Variants in AGBL1 observed in about 807,000 individuals in gnomAD.
AGBL1 encodes the protein cytosolic carboxypeptidase 4.
Under a neutral mutation model 118.9 loss-of-function variants are expected in AGBL1, and 130 were observed. The ratio of observed to expected loss-of-function variants is 1.09; its 90% CI spans 0.95 to 1.26. The LOEUF is 1.26. AGBL1 is among the 50% of genes most tolerant of loss of function. The probability of loss-of-function intolerance (pLI) is 0.00; values close to 1 mark genes in which losing one functional copy is unlikely to be tolerated. For missense variants in AGBL1, 1,584 were observed against 1,298.1 expected (o/e 1.22, Z -3.38); for synonymous variants, 555 against 478.9 (o/e 1.16, Z -2.08).
At chr15:86,220,013 A>G (rs1366542487) in intron 5 of AGBL1, among the ~76,000 whole-genome samples, 3 of 131,272 alleles carry the variant, frequency 2.3e-5, no homozygotes, top group Non-Finnish European at 4.6e-5. Flanking sequence ...GTGCAGTGGC[A>G]CAATCTTGGT....
rs1597449199 is a variant in AGBL1, at chr15:86,141,875, C to T, written c.52-129C>T. On this transcript the variant is annotated intron_variant, in intron 1 of 22. Transcript: ENST00000614907. ...TCTCTTACCAAGTGAATCCCCTTGC[C>T]TGTCCTTTCGCTGTAGTTAATCTTT... The T allele has an allele frequency of 4.3e-6, 4 of 925,782 alleles. 1 individual carries two copies. The South Asian group carries it at 5.4e-5, about 13-fold the overall frequency. The allele number at this position is 925,782 out of a possible 1,614,324, so 57.3% of individuals were successfully genotyped here.
At chr15:87,012,192 TACAC>T (rs57985975) in intron 24 of AGBL1, among the ~76,000 whole-genome samples, 3,831 of 142,734 alleles carry the variant, frequency 0.027, 68 homozygotes, top group African/African-American at 0.053. Flanking sequence ...TACAAATTTA[TACAC>T]ACACACACAC....
At chr15:86,230,915 C>A (rs1056980150) in intron 6 of AGBL1, among the ~76,000 whole-genome samples, 1 of 152,130 alleles carries the variant, frequency 6.6e-6, no homozygotes, top group African/African-American at 2.4e-5. Context: ...TCACAAAAAA[C>A]AGGGCTCCTG....
intron 6 of AGBL1, among the ~76,000 whole-genome samples, chr15:86,233,420 A>G (rs982031227): frequency 3.3e-5 from 5 of 152,062 alleles, no homozygotes; most frequent in Admixed American, 3.3e-4. Flanking sequence ...TTTTGAGGGA[A>G]ATTGCATGCA....
At chr15:86,570,537 C>A (rs1038354994) in intron 21 of AGBL1, among the ~76,000 whole-genome samples, 1 of 152,178 alleles carries the variant, frequency 6.6e-6, no homozygotes, top group Non-Finnish European at 1.5e-5. Context: ...CCCATTTTTA[C>A]ACCAAATATG....
At chr15:87,011,533 G>T (rs1478632219) in intron 24 of AGBL1, among the ~76,000 whole-genome samples, 3 of 152,174 alleles carry the variant, frequency 2.0e-5, no homozygotes, top group Admixed American at 2.0e-4. Context: ...TATTCCCCTT[G>T]TATTCCTTTC....
intron 21 of AGBL1, among the ~76,000 whole-genome samples, chr15:86,631,665 T>G (rs1017246366): frequency 3.9e-5 from 6 of 152,280 alleles, no homozygotes; most frequent in Non-Finnish European, 8.8e-5. Context: ...ATGAACACAC[T>G]CCCTGATGGG....
chr15:86,945,235 C>A (rs1487047506), intron 23 of AGBL1, among the ~76,000 whole-genome samples: 1 of 101,108 alleles, frequency 9.9e-6, no homozygotes, highest in Non-Finnish European at 1.9e-5. Flanking sequence ...CAGAGCAAGA[C>A]CCCATCACTA....
At chr15:86,488,318 C>T (rs1488569938) in intron 18 of AGBL1, among the ~76,000 whole-genome samples, 1 of 151,836 alleles carries the variant, frequency 6.6e-6, no homozygotes. Context: ...AAGCATTTCC[C>T]TTCCTTCTTA....
At chr15:86,819,760 T>C (rs1292505359) in intron 22 of AGBL1, among the ~76,000 whole-genome samples, 3 of 152,052 alleles carry the variant, frequency 2.0e-5, no homozygotes, top group African/African-American at 7.2e-5. Flanking sequence ...TCAACTACCA[T>C]TAACTTTCTT....
At chr15:86,314,086 T>TATATATAAG (rs2079961207) in intron 17 of AGBL1, among the ~76,000 whole-genome samples, 1 of 152,254 alleles carries the variant, frequency 6.6e-6, no homozygotes, top group Non-Finnish European at 1.5e-5. Flanking sequence ...TAAATAGGTA[T>TATATATAAG]CATTCCTGCT....
chr15:86,647,891 G>A lies in AGBL1; in HGVS notation c.2995-26382G>A, dbSNP rs956263785. Among the ~76,000 whole-genome samples, 6 of 152,152 alleles carry A rather than the reference G, an allele frequency of 3.9e-5. No individual in the cohort carries two copies. The South Asian group carries it at 6.2e-4, about 16-fold the overall frequency. On this transcript the variant is annotated intron_variant, in intron 21 of 22. Coordinates refer to ENST00000614907, the MANE Select transcript of AGBL1 (RefSeq NM_001386094.1). ...GGTGATAATTTGAATATGTGAGGAC[G>A]TGAGCCATGCAGGTATCTGGTGGAA...
At chr15:86,644,709 C>T (rs985691441) in intron 21 of AGBL1, among the ~76,000 whole-genome samples, 5 of 151,572 alleles carry the variant, frequency 3.3e-5, no homozygotes, top group African/African-American at 1.2e-4. Flanking sequence ...GGCTTGTCTA[C>T]ATTAAAGGAG....
Position 86,554,514 on chromosome 15 carries a change from G to T in AGBL1, c.2971G>T (p.Gly991Cys). The T allele has an allele frequency of 6.4e-7, 1 of 1,551,696 alleles. No homozygotes were observed. Among genetic ancestry groups the T allele is most frequent in the Non-Finnish European group, 8.7e-7 (1 of 1,151,632 alleles). The change falls in exon 21 of 23, where the codon GGC (glycine) becomes TGC (cysteine). Residue 991 changes from glycine (G) to cysteine (C), a missense_variant. Coordinates refer to ENST00000614907, the MANE Select transcript of AGBL1 (RefSeq NM_001386094.1). ...RSYTMESSYC[G>C]CNQGPYQGLQ... The stretch of plus-strand genomic sequence containing the variant: ...CTACACCATGGAAAGCAGCTACTGT[G>T]GCTGCAACCAGGGCCCTTATCAGGT...
chr15:86,320,190 T>C (rs2080082779), intron 17 of AGBL1, among the ~76,000 whole-genome samples: 1 of 152,156 alleles, frequency 6.6e-6, no homozygotes. Context: ...GAAATGATAT[T>C]CCTATCGGGA....
At chr15:86,734,097 C>T (rs970668265) in intron 22 of AGBL1, among the ~76,000 whole-genome samples, 1 of 152,232 alleles carries the variant, frequency 6.6e-6, no homozygotes, top group South Asian at 2.1e-4. Context: ...AGGCAGTTTG[C>T]ATATGTTTTC....
chr15:86,450,540 C>T lies in AGBL1; in HGVS notation c.2555+52994C>T, dbSNP rs1030599971. Among the ~76,000 whole-genome samples the T allele has an allele frequency of 9.9e-5, 15 of 152,184 alleles. 1 individual carries two copies. Among genetic ancestry groups the T allele is most frequent in the African/African-American group, 3.1e-4 (13 of 41,444 alleles). The stretch of plus-strand genomic sequence containing the variant: ...AGATTCAACCTACAGAAATTTTGAA[C>T]AGTATTCATTCTGTTTATTCAGGCC... On this transcript the variant is annotated intron_variant, in intron 18 of 22. Coordinates refer to ENST00000614907, the MANE Select transcript of AGBL1 (RefSeq NM_001386094.1).
intron 22 of AGBL1, among the ~76,000 whole-genome samples, chr15:86,734,183 T>C (rs1398372542): frequency 1.3e-5 from 2 of 152,128 alleles, no homozygotes; most frequent in Non-Finnish European, 2.9e-5. Context: ...CTTACGTTCT[T>C]AAATGTTATG....
chr15:86,668,553 C>A (rs1351958703), intron 21 of AGBL1, among the ~76,000 whole-genome samples: 2 of 152,126 alleles, frequency 1.3e-5, no homozygotes, highest in African/African-American at 4.8e-5. Context: ...CCCCTTTTAT[C>A]TGCAATATTT....
Sources: gnomAD v4.1 joint callset for allele counts (sites outside exome capture counted in the v4.1 genomes callset) on GRCh38, gnomAD v4.1.1 for gene constraint, MANE v1.5 for transcripts, NCBI Gene and HGNC (gene_info 2026-07-23, HGNC 2026-07-21) for gene names.